The following KDM4B variants were observed in gnomAD, a reference collection of about 807,000 sequenced individuals.
KDM4B encodes the protein lysine-specific demethylase 4B.
Under a neutral mutation model 125.2 loss-of-function variants are expected in KDM4B, and 32 were observed. That is an observed-to-expected ratio of 0.26 (90% CI 0.19 to 0.34). The LOEUF (loss-of-function observed/expected upper bound fraction) is 0.34, where lower values mean the gene tolerates loss of function less well. KDM4B is among the 10% of genes least tolerant of loss of function. KDM4B has a pLI of 1.00. For synonymous variants in KDM4B, 721 were observed against 677.9 expected (o/e 1.06, Z -0.99); for missense variants, 1,190 against 1,577.7 (o/e 0.75, Z 4.16).
At chr19:5,101,222 C>CA (rs751379008) in intron 9 of KDM4B, among the ~76,000 whole-genome samples, 19,740 of 85,424 alleles carry the variant, frequency 0.23, 1,924 homozygotes, top group Middle Eastern at 0.32. Context: ...GACTCCGTCT[C>CA]AAAAAAAAAA....
At chr19:5,011,760 C>A (rs186622120) in intron 1 of KDM4B, among the ~76,000 whole-genome samples, 1 of 152,208 alleles carries the variant, frequency 6.6e-6, no homozygotes, top group African/African-American at 2.4e-5. Context: ...GGAACCCACC[C>A]GAGGGTCAGC....
At chr19:5,068,092 CTT>C (rs60727736) in intron 6 of KDM4B, among the ~76,000 whole-genome samples, 22 of 141,610 alleles carry the variant, frequency 1.6e-4, no homozygotes, top group Admixed American at 2.8e-4. Context: ...CTGCTTTTGC[CTT>C]TTTTTTTTTT....
chr19:5,036,675 G>A (rs1462322799), intron 3 of KDM4B, among the ~76,000 whole-genome samples: 1 of 152,250 alleles, frequency 6.6e-6, no homozygotes, highest in Non-Finnish European at 1.5e-5. Context: ...CAGGAGCCCC[G>A]TGTGAGGCAC....
intron 1 of KDM4B, among the ~76,000 whole-genome samples, chr19:5,005,365 T>C (rs2035524812): frequency 2.6e-5 from 4 of 152,204 alleles, no homozygotes; most frequent in African/African-American, 9.6e-5. Flanking sequence ...TGTGGGCACC[T>C]GTTCCTCCAT....
Position 5,000,791 on chromosome 19 carries a change from C to A in KDM4B, c.-108-15466C>A, listed in dbSNP as rs555591135. ...TTTGGACAAGGATTTTCCTCCTCAA[C>A]TCTTGCTGATTTTAGTTGCCTGTTG... On this transcript the variant is annotated intron_variant, in intron 1 of 22. Coordinates refer to ENST00000159111, the MANE Select transcript of KDM4B (RefSeq NM_015015.3). Among the ~76,000 whole-genome samples the A allele has an allele frequency of 3.4e-4, 52 of 152,306 alleles. No individual in the cohort carries two copies. In the South Asian group the frequency reaches 9.1e-3, roughly 27 times the overall value.
intron 10 of KDM4B, among the ~76,000 whole-genome samples, chr19:5,118,348 G>A (rs1401587096): frequency 1.3e-5 from 2 of 152,228 alleles, no homozygotes; most frequent in Non-Finnish European, 2.9e-5. Context: ...CTGCCTGACT[G>A]CTGGCAGGCT....
chr19:5,080,183 A>G (rs2613778), intron 8 of KDM4B, among the ~76,000 whole-genome samples: 2 of 152,190 alleles, frequency 1.3e-5, no homozygotes, highest in African/African-American at 4.8e-5. Context: ...GAAAAGAAAA[A>G]TATCACAGTG....
At chr19:5,065,816 C>T (rs1292775741) in intron 6 of KDM4B, among the ~76,000 whole-genome samples, 3 of 152,344 alleles carry the variant, frequency 2.0e-5, no homozygotes, top group African/African-American at 4.8e-5. Context: ...GGCAAAGGTT[C>T]GCCCACCCGT....
intron 2 of KDM4B, among the ~76,000 whole-genome samples, chr19:5,027,738 A>T (rs971761026): frequency 1.3e-5 from 2 of 151,958 alleles, no homozygotes; most frequent in Admixed American, 6.6e-5. Context: ...GATGGGGTTC[A>T]TGGTGCTGGC....
At chr19:5,104,183 A>G (rs1344275209) in intron 9 of KDM4B, among the ~76,000 whole-genome samples, 2 of 151,386 alleles carry the variant, frequency 1.3e-5, no homozygotes, top group East Asian at 3.9e-4. Context: ...GTGCCCCTCC[A>G]CCCCGGCAGC....
At chr19:5,109,885 G>C (rs1377155669) in intron 9 of KDM4B, among the ~76,000 whole-genome samples, 1 of 152,182 alleles carries the variant, frequency 6.6e-6, no homozygotes, top group Non-Finnish European at 1.5e-5. Flanking sequence ...AGCCCTCTTG[G>C]AACGATTGCT....
At chr19:5,136,635 C>T (rs2039653630) in intron 15 of KDM4B, among the ~76,000 whole-genome samples, 1 of 152,100 alleles carries the variant, frequency 6.6e-6, no homozygotes, top group Admixed American at 6.5e-5. Flanking sequence ...CAGCAGACGC[C>T]CCCACCCCCA....
chr19:5,127,157 G>A (rs2039463664), intron 11 of KDM4B, among the ~76,000 whole-genome samples: 1 of 152,182 alleles, frequency 6.6e-6, no homozygotes, highest in Non-Finnish European at 1.5e-5. Flanking sequence ...GGGGGCCTGG[G>A]TGCATCCTGG....
intron 1 of KDM4B, among the ~76,000 whole-genome samples, chr19:5,010,892 C>T (rs553434107): frequency 3.1e-4 from 47 of 152,334 alleles, no homozygotes; most frequent in African/African-American, 1.1e-3. Flanking sequence ...AAGTGACCCA[C>T]CTGCCTCGGC....
At chr19:5,089,123 C>T (rs1029895388) in intron 9 of KDM4B, among the ~76,000 whole-genome samples, 5 of 152,146 alleles carry the variant, frequency 3.3e-5, no homozygotes, top group Admixed American at 1.3e-4. Flanking sequence ...AAGATGGTCT[C>T]CCCACTCTGT....
At chr19:5,004,796 T>A (rs539808878) in intron 1 of KDM4B, among the ~76,000 whole-genome samples, 2 of 151,922 alleles carry the variant, frequency 1.3e-5, no homozygotes, top group African/African-American at 4.8e-5. Flanking sequence ...CCACCCCTGC[T>A]CCCCTCCGGA....
chr19:5,054,829 C>T (rs2037346230), intron 6 of KDM4B, among the ~76,000 whole-genome samples: 1 of 152,242 alleles, frequency 6.6e-6, no homozygotes, highest in African/African-American at 2.4e-5. Context: ...CTGGTCCCCT[C>T]CCCAGCCCTC....
chr19:5,099,171 T>C (rs1322471660), intron 9 of KDM4B, among the ~76,000 whole-genome samples: 3 of 152,222 alleles, frequency 2.0e-5, no homozygotes, highest in African/African-American at 7.2e-5. Flanking sequence ...ATTTGTTTCC[T>C]TTCTCTTTAA....
At chr19:5,137,726 T>C in intron 17 of KDM4B, 50 bp downstream of exon 17, 1 of 1,503,398 alleles carries the variant, frequency 6.7e-7, no homozygotes, top group Non-Finnish European at 9.0e-7. Context: ...GAGCCTGCCC[T>C]GGGCTGAGGC....
Sources: gnomAD v4.1 joint callset for allele counts (sites outside exome capture counted in the v4.1 genomes callset) on GRCh38, gnomAD v4.1.1 for gene constraint, MANE v1.5 for transcripts, NCBI Gene and HGNC (gene_info 2026-07-23, HGNC 2026-07-21) for gene names.